The following PCNT variants were observed in gnomAD, a reference collection of about 807,000 sequenced individuals.
PCNT encodes the protein kendrin.
Under a neutral mutation model 380.4 loss-of-function variants are expected in PCNT, and 319 were observed. That is an observed-to-expected ratio of 0.84 (90% CI 0.77 to 0.92). The LOEUF is 0.92. Ranked by LOEUF, PCNT falls within the 40% of genes least tolerant of loss-of-function variation. PCNT has a pLI of 0.00. For missense variants in PCNT, 4,400 were observed against 4,255.3 expected (o/e 1.03, Z -0.95); for synonymous variants, 1,845 against 1,735.2 (o/e 1.06, Z -1.57).
Position 46,397,381 on chromosome 21 carries a change from G to T in PCNT, c.4333G>T (p.Glu1445Ter). The T allele has an allele frequency of 1.2e-6, 2 of 1,614,186 alleles. No individual in the cohort carries two copies. Among genetic ancestry groups the T allele is most frequent in the Non-Finnish European group, 1.7e-6 (2 of 1,180,044 alleles). ...QMKILESELE[E>*]QLSQHRGCAK... Reference sequence around the variant, plus strand: ...GAAGATTTTGGAGTCTGAGTTAGAAGAACAGCTGTCTCAGCATCGCGGGTG... The same window carrying T: ...GAAGATTTTGGAGTCTGAGTTAGAATAACAGCTGTCTCAGCATCGCGGGTG... The change falls in exon 22 of 47, where the codon GAA (glutamate) becomes TAA (stop). Residue 1445 changes from glutamate (E) to a stop codon, truncating the protein, a stop_gained. Coordinates refer to ENST00000359568, the MANE Select transcript of PCNT (RefSeq NM_006031.6). LOFTEE classifies it high-confidence loss of function.
chr21:46,401,715 G>C lies in PCNT; in HGVS notation c.4956G>C (p.Glu1652Asp). The C allele has an allele frequency of 6.2e-7, 1 of 1,614,098 alleles. No homozygotes were observed. Among genetic ancestry groups the C allele is most frequent in the Non-Finnish European group, 8.5e-7 (1 of 1,180,020 alleles). ...EVTQRALLRRESEVLDLKEQL... is the reference protein window; with the variant it reads ...EVTQRALLRRDSEVLDLKEQL... The stretch of plus-strand genomic sequence containing the variant: ...CACAGAGAGCACTCCTGCGGCGCGA[G>C]AGCGAGGTGAGTGCAGAGTGGGGCC... Residue 1652 changes from glutamate (E) to aspartate (D), a missense_variant, in exon 26 of 47, where the codon GAG (glutamate) becomes GAC (aspartate). Glu to Asp is a conservative substitution (Grantham distance 45). Transcript: ENST00000359568.
At position 46,365,517 on chromosome 21, in the gene PCNT, A is replaced by G. The variant is rs35884845; in HGVS notation, c.2610-1067A>G. Among the ~76,000 whole-genome samples the G allele has an allele frequency of 4.5e-3, 268 of 60,094 alleles. 2 individuals carry two copies. The highest frequency in any genetic ancestry group is 7.9e-3 in the East Asian group (11 of 1,384). 39.4% of individuals were successfully genotyped at this position (60,094 alleles called of 152,430 possible). On this transcript the variant is annotated intron_variant, in intron 14 of 46. Coordinates refer to ENST00000359568, the MANE Select transcript of PCNT (RefSeq NM_006031.6). ...CTGCCGTGGGGTTCTGATCACTGCC[A>G]TGGGGTTCTATTCACTGCCGTGGGG...
chr21:46,334,406 T>G lies in PCNT; in HGVS notation c.277T>G (p.Cys93Gly), dbSNP rs142866528. Residue 93 changes from cysteine to glycine, a missense_variant, in exon 3 of 47, where the codon TGT becomes GGT. Physicochemically the swap from Cys to Gly is radical, Grantham distance 159 (BLOSUM62 -3). Coordinates refer to ENST00000359568, the MANE Select transcript of PCNT (RefSeq NM_006031.6). ...GGAFAAQPED[C>G]DGEKREDLEQ... ...GTCCTCCCCTTCTTAGCCGGAGGAC[T>G]GTGATGGAGAGAAGAGAGAGGACTT... 1 of 1,614,058 alleles carries G rather than the reference T, an allele frequency of 6.2e-7. No homozygotes were observed. The highest frequency in any genetic ancestry group is 1.3e-5 in the African/African-American group (1 of 74,938).
chr21:46,394,671 G>C (rs1273927137), intron 21 of PCNT: 2 of 216,506 alleles, frequency 9.2e-6, no homozygotes, highest in Non-Finnish European at 1.6e-5. Flanking sequence ...CTAATCTTCA[G>C]TATTCATAAA....
At chr21:46,379,659 CT>C (rs1385523023) in intron 15 of PCNT, among the ~76,000 whole-genome samples, 1 of 152,142 alleles carries the variant, frequency 6.6e-6, no homozygotes, top group Non-Finnish European at 1.5e-5. Context: ...ACTGGATCGT[CT>C]TAATTGACCT....
rs763199362 is a variant in PCNT at position 46,325,974 on chromosome 21, A to C, written c.55-403A>C. ...GGCTAGGAAGTTTTGGCTGGGCTATATATTTCTTCAGTTGGGGGAAAATTG... is the reference window on the plus strand; with the variant it reads ...GGCTAGGAAGTTTTGGCTGGGCTATCTATTTCTTCAGTTGGGGGAAAATTG... On this transcript the variant is annotated intron_variant, in intron 1 of 46. Transcript: ENST00000359568. Among the ~76,000 whole-genome samples the C allele has an allele frequency of 3.3e-5, 5 of 152,222 alleles. No homozygotes were observed. In the East Asian group the frequency reaches 9.6e-4, roughly 29 times the overall value.
chr21:46,430,691 G>T, intron 37 of PCNT, 34 bp downstream of exon 37: 1 of 1,557,526 alleles, frequency 6.4e-7, no homozygotes, highest in African/African-American at 1.4e-5. Flanking sequence ...AGCCGGCATG[G>T]GCTGTGTGCA....
chr21:46,336,727 C>T (rs1393190915), intron 3 of PCNT, among the ~76,000 whole-genome samples: 4 of 152,054 alleles, frequency 2.6e-5, no homozygotes, highest in Non-Finnish European at 4.4e-5. Flanking sequence ...GGGCTCTCTC[C>T]GTGGACAGAG....
chr21:46,387,432 G>A (rs1257513609), intron 17 of PCNT, among the ~76,000 whole-genome samples: 2 of 152,186 alleles, frequency 1.3e-5, no homozygotes, highest in Admixed American at 6.5e-5. Flanking sequence ...GAGGGGTGCA[G>A]AGGTGGGTGG....
intron 21 of PCNT, among the ~76,000 whole-genome samples, chr21:46,396,477 T>C (rs1446037955): frequency 6.6e-6 from 1 of 152,250 alleles, no homozygotes; most frequent in African/African-American, 2.4e-5. Flanking sequence ...AAAACTGCTG[T>C]GAGGGTGGAG....
At chr21:46,403,311 C>T (rs1417027011) in intron 27 of PCNT, among the ~76,000 whole-genome samples, 2 of 139,104 alleles carry the variant, frequency 1.4e-5, no homozygotes, top group African/African-American at 5.3e-5. Context: ...TGAATGAACA[C>T]AGCGTGGGAG....
At chr21:46,353,862 G>A in intron 10 of PCNT, 125 bp from the exon 11 acceptor site, 1 of 798,832 alleles carries the variant, frequency 1.3e-6, no homozygotes, top group South Asian at 1.5e-5. Context: ...CATGGACATT[G>A]CCCGTCCTTG....
intron 18 of PCNT, 49 bp from the exon 19 acceptor site, chr21:46,389,150 G>A: frequency 1.3e-6 from 2 of 1,572,122 alleles, no homozygotes; most frequent in Non-Finnish European, 1.7e-6. Context: ...CATGGCCGCG[G>A]CCGGCTTGCT....
chr21:46,418,357 C>T, intron 31 of PCNT, 51 bp downstream of exon 31: 1 of 1,077,416 alleles, frequency 9.3e-7, no homozygotes, highest in Non-Finnish European at 1.4e-6. Flanking sequence ...GGTTTCCTAG[C>T]ACAGAATAGT....
chr21:46,397,944 G>A (rs531482003), intron 22 of PCNT, 70 bp from the exon 23 acceptor site: 3 of 1,201,296 alleles, frequency 2.5e-6, no homozygotes, highest in South Asian at 2.6e-5. Context: ...TGGAAGCCTG[G>A]GTGGACCTTC....
chr21:46,399,454 C>G, intron 24 of PCNT, 136 bp from the exon 25 acceptor site: 1 of 702,152 alleles, frequency 1.4e-6, no homozygotes, highest in Non-Finnish European at 2.6e-6. Flanking sequence ...GCCTGTGAGT[C>G]TAGGTCTCCC....
At position 46,346,773 on chromosome 21, in the gene PCNT, C is replaced by G; in HGVS notation, c.751C>G (p.Arg251Gly). ...GCATGGCCTTGAGCTGGAGGCGCTG[C>G]GCCTGAGTCTGAGCAACATGCACAC... ...AVHGLELEAL[R>G]LSLSNMHTAQ... is the part of the protein sequence containing the mutation. The change falls in exon 5 of 47, where the codon CGC becomes GGC. Residue 251 changes from arginine to glycine, a missense_variant. Arg to Gly is a moderately radical substitution (Grantham distance 125). Transcript: ENST00000359568. The G allele has an allele frequency of 6.3e-7, 1 of 1,597,382 alleles. No individual in the cohort carries two copies. Among genetic ancestry groups the G allele is most frequent in the Non-Finnish European group, 8.5e-7 (1 of 1,173,400 alleles).
Position 46,432,675 on chromosome 21 carries a change from A to G in PCNT, c.8751+460A>G, listed in dbSNP as rs1200859814. 2.6e-5 allele frequency among the ~76,000 whole-genome samples: 4 copies of G among 152,200 alleles called. No homozygotes were observed. In the East Asian group the frequency reaches 7.7e-4, roughly 29 times the overall value. On this transcript the variant is annotated intron_variant, in intron 38 of 46. Coordinates refer to ENST00000359568, the MANE Select transcript of PCNT (RefSeq NM_006031.6). ...GGTCTGGCTCTGTCACCCAGGCTGG[A>G]GTGCAGTGATGTGATCTCAGCTCAC...
At position 46,427,654 on chromosome 21, in the gene PCNT, G is replaced by C; in HGVS notation, c.7353G>C (p.Gly2451=). 2 of 1,613,956 alleles carry C rather than the reference G, an allele frequency of 1.2e-6. No individual in the cohort carries two copies. Among genetic ancestry groups the C allele is most frequent in the South Asian group, 2.2e-5 (2 of 91,080 alleles). The change falls in exon 34 of 47, where the codon GGG becomes GGC. Residue 2451 remains glycine, a synonymous_variant. Transcript: ENST00000359568. ...CCACCGCGTGCCCCGATTGGAGAGG[G>C]GACCTTCTGCAGGTTGTGCAAGAGG... ...EVPTACPDWR[G]DLLQVVQEAF... is the part of the protein sequence containing the mutation.
Sources: gnomAD v4.1 joint callset for allele counts (sites outside exome capture counted in the v4.1 genomes callset) on GRCh38, gnomAD v4.1.1 for gene constraint, MANE v1.5 for transcripts, NCBI Gene and HGNC (gene_info 2026-07-23, HGNC 2026-07-21) for gene names.